Variants in EIF4EBP1 observed in about 807,000 individuals in gnomAD.
EIF4EBP1 encodes eukaryotic translation initiation factor 4E binding protein 1.
EIF4EBP1 carries 5 observed loss-of-function variants against 9.2 expected under a neutral mutation model. The ratio of observed to expected loss-of-function variants is 0.54; its 90% CI spans 0.28 to 1.14. EIF4EBP1 has a LOEUF of 1.14. Ranked by LOEUF, EIF4EBP1 falls within the 50% of genes most tolerant of loss-of-function variation. The pLI is 0.09. For missense variants in EIF4EBP1, 139 were observed against 169.6 expected, an observed-to-expected ratio of 0.82 and a Z score of 1.00; for synonymous variants, 62 against 67.0, an observed-to-expected ratio of 0.93 and a Z score of 0.36.
intron 1 of EIF4EBP1, among the ~76,000 whole-genome samples, chr8:38,052,767 G>A (rs1024432249): frequency 1.3e-4 from 19 of 151,426 alleles, no homozygotes; most frequent in Non-Finnish European, 2.6e-4. Flanking sequence ...TGCCCAGGCT[G>A]GTCTCAAACT....
rs371690517 is a variant in EIF4EBP1 at position 38,060,330 on chromosome 8, G to C, written c.*395G>C. The stretch of plus-strand genomic sequence containing the variant: ...GCTCCCTCCCCCTCCTTCCCCAAGA[G>C]AGGAAATAAAAGCCACCTTCGCCCT... On this transcript the variant is annotated 3_prime_UTR_variant, in exon 3 of 3. Transcript: ENST00000338825. The C allele has an allele frequency of 3.6e-6, 1 of 278,842 alleles. No individual in the cohort carries two copies. Among genetic ancestry groups the C allele is most frequent in the Non-Finnish European group, 6.9e-6 (1 of 145,376 alleles). 17.3% of individuals were successfully genotyped at this position (278,842 alleles called of 1,614,324 possible).
rs1475533825 is a variant in EIF4EBP1 at position 38,030,597 on chromosome 8, C to T, written c.24C>T (p.Ser8=). The change falls in exon 1 of 3, where the codon AGC becomes AGT. Residue 8 remains serine (S), a synonymous_variant. Coordinates refer to ENST00000338825, the MANE Select transcript of EIF4EBP1 (RefSeq NM_004095.4). MSGGSSC[S]QTPSRAIPAT... ...CCATGTCCGGGGGCAGCAGCTGCAG[C>T]CAGACCCCAAGCCGGGCCATCCCCG... 17 of 1,514,630 alleles carry T rather than the reference C, an allele frequency of 1.1e-5. 1 individual carries two copies. Among genetic ancestry groups the T allele is most frequent in the Middle Eastern group, 4.2e-4 (2 of 4,716 alleles). The allele number at this position is 1,514,630 out of a possible 1,614,324, so 93.8% of individuals were successfully genotyped here.
At chr8:38,037,481 A>T (rs971905400) in intron 1 of EIF4EBP1, among the ~76,000 whole-genome samples, 2 of 151,786 alleles carry the variant, frequency 1.3e-5, no homozygotes, top group African/African-American at 4.8e-5. Context: ...ACACCCAGCT[A>T]ATTTTTGTAT....
rs533585193 is a variant in EIF4EBP1 at position 38,041,061 on chromosome 8, A to G, written c.145+10343A>G. Among the ~76,000 whole-genome samples, 5 of 152,098 alleles carry G rather than the reference A, an allele frequency of 3.3e-5. 1 individual carries two copies. In the South Asian group the frequency reaches 6.2e-4, roughly 19 times the overall value. On this transcript the variant is annotated intron_variant, in intron 1 of 2. Coordinates refer to ENST00000338825, the MANE Select transcript of EIF4EBP1 (RefSeq NM_004095.4). ...GTGATCCGCCCGCCTCGGCCTCCCA[A>G]AGTGCTGGGATTACAGGCGTGAGCC... is the stretch of plus-strand genomic sequence containing the variant.
chr8:38,059,097 A>G (rs957326228), intron 2 of EIF4EBP1, among the ~76,000 whole-genome samples: 1 of 148,732 alleles, frequency 6.7e-6, no homozygotes, highest in Non-Finnish European at 1.5e-5. Flanking sequence ...AGAAAAAAGC[A>G]AAAACAACAA....
intron 1 of EIF4EBP1, among the ~76,000 whole-genome samples, chr8:38,048,894 C>T (rs1357350906): frequency 2.0e-5 from 3 of 151,828 alleles, no homozygotes; most frequent in Non-Finnish European, 4.4e-5. Flanking sequence ...TTTGGGAGGC[C>T]GAGACGGGTG....
In EIF4EBP1 at chr8:38,030,588, C is replaced by T. The variant is rs2130374251; in HGVS notation, c.15C>T (p.Ser5=). 3 of 1,514,654 alleles carry T rather than the reference C, an allele frequency of 2.0e-6. No individual in the cohort carries two copies. In the East Asian group the frequency reaches 8.0e-5, roughly 40 times the overall value. The allele number at this position is 1,514,654 out of a possible 1,614,324, so 93.8% of individuals were successfully genotyped here. A position where few individuals can be genotyped will look rare whatever the true frequency, so the allele number is the denominator to read the frequency against. ...CACAGGAGACCATGTCCGGGGGCAG[C>T]AGCTGCAGCCAGACCCCAAGCCGGG... MSGG[S]SCSQTPSRAI... The change falls in exon 1 of 3, where the codon AGC becomes AGT. Residue 5 remains serine (S), a synonymous_variant. Transcript: ENST00000338825.
chr8:38,049,360 G>A (rs1268506839), intron 1 of EIF4EBP1, among the ~76,000 whole-genome samples: 4 of 151,628 alleles, frequency 2.6e-5, no homozygotes, highest in African/African-American at 4.8e-5. Flanking sequence ...TCTCTTTATC[G>A]CCAGTATTGT....
intron 1 of EIF4EBP1, among the ~76,000 whole-genome samples, chr8:38,048,861 G>T (rs1287221474): frequency 6.6e-6 from 1 of 151,998 alleles, no homozygotes; most frequent in Non-Finnish European, 1.5e-5. Flanking sequence ...GGGTACGGTG[G>T]CTCATGCCTG....
chr8:38,038,297 A>G (rs1306920127), intron 1 of EIF4EBP1, among the ~76,000 whole-genome samples: 1 of 151,380 alleles, frequency 6.6e-6, no homozygotes, highest in Non-Finnish European at 1.5e-5. Flanking sequence ...TCACGAGGTC[A>G]AGAGATAGAG....
intron 1 of EIF4EBP1, 101 bp from the exon 2 acceptor site, chr8:38,056,980 G>A (rs936517071): frequency 1.6e-5 from 21 of 1,314,302 alleles, no homozygotes; most frequent in Non-Finnish European, 2.3e-5. Flanking sequence ...GGTTTTTCAG[G>A]AGAATCTGCT....
intron 1 of EIF4EBP1, among the ~76,000 whole-genome samples, chr8:38,037,004 T>A (rs536337046): frequency 0.011 from 1,565 of 147,090 alleles, 29 homozygotes; most frequent in African/African-American, 0.036. Context: ...AGGTGAGTTT[T>A]AAAAAAAAAA....
intron 1 of EIF4EBP1, among the ~76,000 whole-genome samples, chr8:38,040,222 G>A (rs1347606060): frequency 6.6e-6 from 1 of 152,198 alleles, no homozygotes; most frequent in Non-Finnish European, 1.5e-5. Context: ...TGGGGCCGGG[G>A]TCTCAGACAC....
chr8:38,060,010 C>A lies in EIF4EBP1; in HGVS notation c.*75C>A. 6.9e-7 allele frequency: 1 copy of A among 1,453,884 alleles called. No individual in the cohort carries two copies. Among genetic ancestry groups the A allele is most frequent in the Non-Finnish European group, 9.7e-7 (1 of 1,034,182 alleles). 90.1% of individuals were successfully genotyped at this position (1,453,884 alleles called of 1,614,324 possible). On this transcript the variant is annotated 3_prime_UTR_variant, in exon 3 of 3. Transcript: ENST00000338825. ...CTGGGAGGAGTCCCACCAGCCAGGCCTTATGAAAGTGATCATACTGGGCAG... is the reference window on the plus strand; with the variant it reads ...CTGGGAGGAGTCCCACCAGCCAGGCATTATGAAAGTGATCATACTGGGCAG...
rs569103586 is a variant in EIF4EBP1, at chr8:38,048,792, T to C, written c.146-8289T>C. Among the ~76,000 whole-genome samples the C allele has an allele frequency of 2.0e-5, 3 of 151,196 alleles. No homozygotes were observed. In the East Asian group the frequency reaches 5.9e-4, roughly 30 times the overall value. On this transcript the variant is annotated intron_variant, in intron 1 of 2. Coordinates refer to ENST00000338825, the MANE Select transcript of EIF4EBP1 (RefSeq NM_004095.4). ...GGGTTTGAGACCAGCCTGGGTAACA[T>C]AGCGAGACCCTGTCTCCAAAAATAA... is the stretch of plus-strand genomic sequence containing the variant.
Position 38,031,470 on chromosome 8 carries a change from CCGG to C in EIF4EBP1, c.145+753_145+755del, listed in dbSNP as rs1345828269. ...AGGAACCTGGCATTCCCTCCCAGCC[CCGG>C]AGCCCCAGCGCACAGACGCTGATGA... On this transcript the variant is annotated intron_variant, in intron 1 of 2. Transcript: ENST00000338825. 1.2e-4 allele frequency among the ~76,000 whole-genome samples: 18 copies of C among 152,192 alleles called. 1 individual carries two copies. The highest frequency in any genetic ancestry group is 1.2e-3 in the Admixed American group (18 of 15,276).
intron 1 of EIF4EBP1, among the ~76,000 whole-genome samples, chr8:38,035,578 G>C (rs1307169952): frequency 6.6e-6 from 1 of 152,056 alleles, no homozygotes; most frequent in Non-Finnish European, 1.5e-5. Context: ...GCCCAGGCTA[G>C]AGTGCAGTGG....
chr8:38,039,138 C>T (rs1310660626), intron 1 of EIF4EBP1, among the ~76,000 whole-genome samples: 4 of 152,012 alleles, frequency 2.6e-5, no homozygotes, highest in Non-Finnish European at 4.4e-5. Flanking sequence ...GTGATCCGCC[C>T]ACCTCGTCCT....
At chr8:38,043,661 A>C (rs17736439) in intron 1 of EIF4EBP1, among the ~76,000 whole-genome samples, 1 of 152,004 alleles carries the variant, frequency 6.6e-6, no homozygotes, top group African/African-American at 2.4e-5. Flanking sequence ...CCAATTTTCA[A>C]AGAAACTGAC....
Sources: allele counts gnomAD v4.1 joint callset (sites outside exome capture counted in the v4.1 genomes callset), GRCh38; gene constraint gnomAD v4.1.1; transcripts MANE v1.5; gene names NCBI Gene and HGNC (gene_info 2026-07-23, HGNC 2026-07-21).